SHE: variants seen among roughly 807,000 people sequenced by gnomAD.
SHE encodes Src homology 2 domain containing E.
SHE carries 11 observed loss-of-function variants against 49.8 expected under a neutral mutation model. That is an observed-to-expected ratio of 0.22 (90% CI 0.14 to 0.37). SHE has a LOEUF of 0.37. Among genes scored for constraint, SHE ranks in the 10% least tolerant of loss-of-function variants. The pLI is 1.00. For missense variants in SHE, 624 were observed against 655.5 expected (o/e 0.95, Z 0.52); for synonymous variants, 310 against 278.1 (o/e 1.11, Z -1.14).
intron 2 of SHE, 79 bp downstream of exon 2, chr1:154,499,032 CA>C: frequency 6.5e-7 from 1 of 1,530,076 alleles, no homozygotes; most frequent in Non-Finnish European, 8.9e-7. Context: ...CCCTCTTCCC[CA>C]ATAGACACCG....
chr1:154,478,505 C>T (rs534189883), downstream of SHE, among the ~76,000 whole-genome samples: 61 of 150,972 alleles, frequency 4.0e-4, no homozygotes, highest in African/African-American at 1.4e-3. Flanking sequence ...TATGACTGAC[C>T]CAAGACAAGT....
chr1:154,473,367 T>G (rs1691797755), intron 1 of SHE, among the ~76,000 whole-genome samples: 2 of 151,756 alleles, frequency 1.3e-5, no homozygotes, highest in African/African-American at 4.8e-5. Flanking sequence ...CCCAGCTACC[T>G]GGGAGGCTGA....
intron 1 of SHE, among the ~76,000 whole-genome samples, chr1:154,501,041 G>A (rs1692710964): frequency 6.6e-6 from 1 of 152,158 alleles, no homozygotes; most frequent in Admixed American, 6.5e-5. Context: ...ACACTTGAGA[G>A]GTTACCATTC....
intron 2 of SHE, among the ~76,000 whole-genome samples, chr1:154,498,351 C>T (rs1370753403): frequency 5.9e-5 from 9 of 151,406 alleles, no homozygotes; most frequent in Non-Finnish European, 1.2e-4. Context: ...CCACCTTGAC[C>T]TCCCAAAGTG....
chr1:154,496,677 T>C (rs1211111731), intron 2 of SHE, among the ~76,000 whole-genome samples: 1 of 152,126 alleles, frequency 6.6e-6, no homozygotes, highest in African/African-American at 2.4e-5. Context: ...CCTTTGATCT[T>C]GTTTTTTGTC....
chr1:154,493,349 A>C (rs772372732), intron 2 of SHE, among the ~76,000 whole-genome samples: 6 of 152,232 alleles, frequency 3.9e-5, no homozygotes, highest in Non-Finnish European at 8.8e-5. Context: ...ATAGAAACAG[A>C]AACAATCGTG....
downstream of SHE, among the ~76,000 whole-genome samples, chr1:154,478,830 G>A (rs367953608): frequency 2.6e-4 from 40 of 152,270 alleles, 3 homozygotes; most frequent in Admixed American, 2.1e-3. Context: ...CTTAAACACA[G>A]ATGGGTTAAA....
intron 2 of SHE, among the ~76,000 whole-genome samples, chr1:154,489,943 T>C (rs1460437969): frequency 6.6e-6 from 1 of 152,246 alleles, no homozygotes; most frequent in Non-Finnish European, 1.5e-5. Context: ...TGTGATCTAC[T>C]GAATGCTCAA....
chr1:154,492,793 A>C (rs1249653379), intron 2 of SHE, among the ~76,000 whole-genome samples: 1 of 152,236 alleles, frequency 6.6e-6, no homozygotes, highest in Non-Finnish European at 1.5e-5. Flanking sequence ...CATAGTTTAC[A>C]CTCAGTTGAG....
chr1:154,481,784 A>G lies in SHE; in HGVS notation c.*2365T>C. On this transcript the variant is annotated 3_prime_UTR_variant, in exon 6 of 6. Transcript: ENST00000304760. ...TTTTAAAATCTTACACTAAAGATAT[A>G]GTAAATGAACCAATACACACTGAAA... The G allele has an allele frequency of 1.0e-6, 1 of 970,168 alleles. No homozygotes were observed. The highest frequency in any genetic ancestry group is 1.2e-6 in the Non-Finnish European group (1 of 816,030). The allele number at this position is 970,168 out of a possible 1,614,324, so 60.1% of individuals were successfully genotyped here.
At chr1:154,500,824 G>A (rs764852565) in intron 1 of SHE, among the ~76,000 whole-genome samples, 1 of 152,090 alleles carries the variant, frequency 6.6e-6, no homozygotes, top group African/African-American at 2.4e-5. Flanking sequence ...ATCCTCCACA[G>A]CCCTTAATGC....
In SHE at chr1:154,502,146, C is replaced by A; in HGVS notation, c.-120G>T. On this transcript the variant is annotated 5_prime_UTR_variant, in exon 1 of 6. Transcript: ENST00000304760. The stretch of plus-strand genomic sequence containing the variant: ...GGTTCTCACGGCTCGGGGCGCCGAG[C>A]GGGCGGGCGCTAGCCTCTGCTCCGG... The A allele has an allele frequency of 2.5e-6, 2 of 800,664 alleles. No homozygotes were observed. Among genetic ancestry groups the A allele is most frequent in the Non-Finnish European group, 3.3e-6 (2 of 612,678 alleles). 49.6% of individuals were successfully genotyped at this position (800,664 alleles called of 1,614,324 possible).
chr1:154,475,058 G>C (rs1691843907), downstream of SHE, among the ~76,000 whole-genome samples: 1 of 152,180 alleles, frequency 6.6e-6, no homozygotes, highest in African/African-American at 2.4e-5. Context: ...CTGGTCTAGG[G>C]AGTGAGGGAG....
Position 154,483,026 on chromosome 1 carries a change from C to A in SHE, c.*1123G>T. 7.1e-6 allele frequency: 7 copies of A among 984,644 alleles called. No homozygotes were observed. The highest frequency in any genetic ancestry group is 8.4e-6 in the Non-Finnish European group (7 of 829,316). The allele number at this position is 984,644 out of a possible 1,614,324, so 61.0% of individuals were successfully genotyped here. The stretch of plus-strand genomic sequence containing the variant: ...ACATCGAAGTTCTATGTAATTAATT[C>A]AGTAAAAAAACAGTTGTGGAGCTTT... On this transcript the variant is annotated 3_prime_UTR_variant, in exon 6 of 6. Transcript: ENST00000304760.
intron 1 of SHE, among the ~76,000 whole-genome samples, chr1:154,499,769 C>A (rs1186400998): frequency 6.6e-6 from 1 of 152,164 alleles, no homozygotes; most frequent in African/African-American, 2.4e-5. Context: ...ACACAGGCTT[C>A]ATAGATGAGA....
rs181836359 is a variant in SHE at position 154,470,891 on chromosome 1, T to C, written c.103-529A>G. On this transcript the variant is annotated intron_variant, in intron 1 of 1. Coordinates refer to the SHE transcript ENST00000486773. ...CTGGCATGGTGGCGGTCACCTGTGA[T>C]TCCAGCTACTAGGGAGGCTGAGGCA... Among the ~76,000 whole-genome samples the C allele has an allele frequency of 2.6e-5, 4 of 152,050 alleles. No homozygotes were observed. In the East Asian group the frequency reaches 7.7e-4, roughly 29 times the overall value.
At chr1:154,475,580 C>T (rs1335379623), downstream of SHE, among the ~76,000 whole-genome samples, 2 of 152,182 alleles carry the variant, frequency 1.3e-5, no homozygotes, top group Non-Finnish European at 2.9e-5. Flanking sequence ...TTTAAATGAG[C>T]ATTGCTTTTA....
At chr1:154,496,718 C>A (rs1424947814) in intron 2 of SHE, among the ~76,000 whole-genome samples, 2 of 151,780 alleles carry the variant, frequency 1.3e-5, no homozygotes, top group East Asian at 3.9e-4. Flanking sequence ...GCATTGTAGT[C>A]CCCTAGCTTA....
In SHE at chr1:154,482,010, CTTT is replaced by C. The variant is rs60307202; in HGVS notation, c.*2136_*2138del. 21 of 113,450 alleles carry C rather than the reference CTTT, an allele frequency of 1.9e-4. No individual in the cohort carries two copies. The highest frequency in any genetic ancestry group is 4.2e-3 in the Middle Eastern group (1 of 236). The allele number at this position is 113,450 out of a possible 1,614,324, so 7.0% of individuals were successfully genotyped here. On this transcript the variant is annotated 3_prime_UTR_variant, in exon 6 of 6. Coordinates refer to ENST00000304760, the MANE Select transcript of SHE (RefSeq NM_001010846.3). ...CACAGGCATCCACCACCAGGCCAGG[CTTT>C]TTTTTTTTTTTTTTTTTGAGATGGA...
Sources: allele counts gnomAD v4.1 joint callset (sites outside exome capture counted in the v4.1 genomes callset), GRCh38; gene constraint gnomAD v4.1.1; transcripts MANE v1.5; gene names NCBI Gene and HGNC (gene_info 2026-07-23, HGNC 2026-07-21).